Variants in THADA observed in about 807,000 individuals in gnomAD.
THADA encodes tRNA (32-2'-O)-methyltransferase regulator THADA.
Under a neutral mutation model 219.8 loss-of-function variants are expected in THADA, and 213 were observed. The observed-to-expected ratio is 0.97, with a 90% CI of 0.87 to 1.09. The LOEUF (loss-of-function observed/expected upper bound fraction) is 1.09, where lower values mean the gene tolerates loss of function less well. Ranked by LOEUF, THADA falls within the 50% of genes least tolerant of loss-of-function variation. THADA has a pLI of 0.00. For synonymous variants in THADA, 1,018 were observed against 828.9 expected (o/e 1.23, Z -3.92); for missense variants, 2,956 against 2,311.3 (o/e 1.28, Z -5.72).
At chr2:43,306,030 AC>A (rs1179892433) in intron 31 of THADA, among the ~76,000 whole-genome samples, 1 of 129,156 alleles carries the variant, frequency 7.7e-6, no homozygotes, top group Non-Finnish European at 1.5e-5. Context: ...TCTTGTTACC[AC>A]GCCGGAGTGC....
chr2:43,381,373 G>A (rs1234860812), intron 29 of THADA, among the ~76,000 whole-genome samples: 1 of 152,032 alleles, frequency 6.6e-6, no homozygotes, highest in Non-Finnish European at 1.5e-5. Flanking sequence ...TTCAAAATAA[G>A]TAATGTCAAT....
intron 22 of THADA, among the ~76,000 whole-genome samples, chr2:43,521,863 T>A (rs1269024189): frequency 6.6e-6 from 1 of 152,234 alleles, no homozygotes; most frequent in African/African-American, 2.4e-5. Context: ...TTTGTACCAA[T>A]AAATCCGATT....
At chr2:43,438,680 AAAG>A (rs1270955894) in intron 26 of THADA, among the ~76,000 whole-genome samples, 3 of 152,208 alleles carry the variant, frequency 2.0e-5, no homozygotes, top group African/African-American at 7.2e-5. Context: ...CCACCTAGCT[AAAG>A]AAGTGGAACA....
rs1312564352 is a variant in THADA, at chr2:43,287,023, A to G, written c.5049T>C (p.Val1683=). 1 of 1,613,924 alleles carries G rather than the reference A, an allele frequency of 6.2e-7. No individual in the cohort carries two copies. Among genetic ancestry groups the G allele is most frequent in the Non-Finnish European group, 8.5e-7 (1 of 1,179,842 alleles). Residue 1683 remains valine (V), a synonymous_variant, in exon 35 of 38, where the codon GTT becomes GTC. Coordinates refer to ENST00000405975, the MANE Select transcript of THADA (RefSeq NM_022065.5). ...ELIAAELKQW[V]QLVILSCEDH... ...CTTCACATGACAAGATGACCAGCTG[A>G]ACCCACTGCTTCAGCTCAGCAGCTA...
intron 30 of THADA, among the ~76,000 whole-genome samples, chr2:43,336,374 T>C (rs1167374640): frequency 6.6e-6 from 1 of 151,900 alleles, no homozygotes; most frequent in Non-Finnish European, 1.5e-5. Flanking sequence ...CAGGTTCAAG[T>C]GATTCTCCTG....
rs142971596 is a variant in THADA at position 43,403,552 on chromosome 2, A to T, written c.4059-5413T>A. Among the ~76,000 whole-genome samples the T allele has an allele frequency of 2.6e-3, 395 of 152,270 alleles. 2 individuals carry two copies. The highest frequency in any genetic ancestry group is 9.4e-3 in the African/African-American group (389 of 41,548). ...GGAACCAGAGGCTTCAAAGTCTCCAAATGGCTTCAGGATCCAGCCAATATC... is the reference window on the plus strand; with the variant it reads ...GGAACCAGAGGCTTCAAAGTCTCCATATGGCTTCAGGATCCAGCCAATATC... On this transcript the variant is annotated intron_variant, in intron 28 of 37. Transcript: ENST00000405975.
chr2:43,253,450 C>T (rs1023345044), intron 36 of THADA, among the ~76,000 whole-genome samples: 1 of 152,148 alleles, frequency 6.6e-6, no homozygotes, highest in South Asian at 2.1e-4. Flanking sequence ...ACTGAACCTT[C>T]TCTCTCAACT....
intron 29 of THADA, among the ~76,000 whole-genome samples, chr2:43,396,569 G>C (rs1349286256): frequency 6.6e-6 from 1 of 152,296 alleles, no homozygotes; most frequent in South Asian, 2.1e-4. Context: ...GGGAGGCTGA[G>C]GTGGGCGGAT....
intron 36 of THADA, among the ~76,000 whole-genome samples, chr2:43,270,113 T>C (rs1232863397): frequency 6.6e-6 from 1 of 152,186 alleles, no homozygotes; most frequent in African/African-American, 2.4e-5. Context: ...TTCTGTCATT[T>C]CCTCTGTATA....
intron 37 of THADA, 124 bp from the exon 38 acceptor site, chr2:43,231,467 A>AAC: frequency 3.0e-6 from 3 of 989,056 alleles, no homozygotes; most frequent in Non-Finnish European, 4.3e-6. Context: ...CAGAGGGTGC[A>AAC]CTCTTGCCTG....
At chr2:43,384,401 C>T (rs574827079) in intron 29 of THADA, among the ~76,000 whole-genome samples, 1 of 152,196 alleles carries the variant, frequency 6.6e-6, no homozygotes, top group African/African-American at 2.4e-5. Flanking sequence ...CAGAAACCTA[C>T]CCAACTCAGT....
chr2:43,518,882 C>A (rs1692059736), intron 22 of THADA, among the ~76,000 whole-genome samples: 1 of 152,060 alleles, frequency 6.6e-6, no homozygotes, highest in African/African-American at 2.4e-5. Context: ...TTGGGGGAGT[C>A]CCAGGTCACA....
At chr2:43,318,195 A>C (rs1678292389) in intron 31 of THADA, among the ~76,000 whole-genome samples, 1 of 151,800 alleles carries the variant, frequency 6.6e-6, no homozygotes, top group African/African-American at 2.4e-5. Flanking sequence ...GTGTGCTACC[A>C]CATGTGGCTA....
At chr2:43,367,315 A>G (rs1325460388) in intron 29 of THADA, among the ~76,000 whole-genome samples, 1 of 151,662 alleles carries the variant, frequency 6.6e-6, no homozygotes. Flanking sequence ...TGGTTAAGAT[A>G]GTAAATTTTA....
At chr2:43,296,867 G>A (rs1052283872) in intron 31 of THADA, among the ~76,000 whole-genome samples, 6 of 145,042 alleles carry the variant, frequency 4.1e-5, no homozygotes, top group East Asian at 3.9e-4. Context: ...GCGGCTGGAG[G>A]AGCGGACGGG....
At chr2:43,501,996 T>C (rs555477768) in intron 24 of THADA, among the ~76,000 whole-genome samples, 3 of 152,050 alleles carry the variant, frequency 2.0e-5, no homozygotes, top group South Asian at 2.1e-4. Context: ...GATAGATTAA[T>C]AGACAGCACA....
At chr2:43,258,999 C>A (rs1326515790) in intron 36 of THADA, among the ~76,000 whole-genome samples, 9 of 152,118 alleles carry the variant, frequency 5.9e-5, no homozygotes, top group Admixed American at 2.6e-4. Flanking sequence ...GGAAAGTGAA[C>A]CTTCTGGAGC....
chr2:43,463,417 T>C (rs777971931), intron 26 of THADA, among the ~76,000 whole-genome samples: 10 of 152,314 alleles, frequency 6.6e-5, no homozygotes, highest in Non-Finnish European at 1.5e-4. Context: ...ACCGTATTTA[T>C]ATAGGGCGTG....
At chr2:43,426,477 A>G (rs953675813) in intron 28 of THADA, among the ~76,000 whole-genome samples, 1 of 152,230 alleles carries the variant, frequency 6.6e-6, no homozygotes, top group African/African-American at 2.4e-5. Flanking sequence ...TATTCATGAA[A>G]GAACAATTTT....
Sources: allele counts gnomAD v4.1 joint callset (sites outside exome capture counted in the v4.1 genomes callset), GRCh38; gene constraint gnomAD v4.1.1; transcripts MANE v1.5; gene names NCBI Gene and HGNC (gene_info 2026-07-23, HGNC 2026-07-21).